Variants in RBFOX3 observed in about 807,000 individuals in gnomAD.
RBFOX3 encodes the protein RNA binding fox-1 homolog 3.
Under a neutral mutation model 48.7 loss-of-function variants are expected in RBFOX3, and 17 were observed. The ratio of observed to expected loss-of-function variants is 0.35; its 90% CI spans 0.24 to 0.52. The LOEUF (loss-of-function observed/expected upper bound fraction) is 0.52, where lower values mean the gene tolerates loss of function less well. RBFOX3 is among the 20% of genes least tolerant of loss of function. The pLI is 0.94. For synonymous variants in RBFOX3, 212 were observed against 209.5 expected (o/e 1.01, Z -0.10); for missense variants, 382 against 497.5 (o/e 0.77, Z 2.21).
rs2061451908 is a variant in RBFOX3 at position 79,392,183 on chromosome 17, G to A, written c.-174-84359C>T. Reference sequence around the variant, plus strand: ...CACAGAGCTAACAGTAAAGAAAACTGGGGCAGCCTCCTCACCCCCGTCTCT... The same window carrying A: ...CACAGAGCTAACAGTAAAGAAAACTAGGGCAGCCTCCTCACCCCCGTCTCT... On this transcript the variant is annotated intron_variant, in intron 2 of 14. Transcript: ENST00000693108. This position sits in a 1 kb window ranked among gnomAD's most constrained non-coding sequence, Gnocchi z 5.0. Among the ~76,000 whole-genome samples, 1 of 152,042 alleles carries A rather than the reference G, an allele frequency of 6.6e-6. No homozygotes were observed. Among genetic ancestry groups the A allele is most frequent in the South Asian group, 2.1e-4 (1 of 4,810 alleles).
At chr17:79,625,757 A>G in the RBFOX3 span, among the ~76,000 whole-genome samples, 1 of 152,288 alleles carries the variant, frequency 6.6e-6, no homozygotes, top group South Asian at 2.1e-4. Flanking sequence ...GAGCCATTGC[A>G]CTCCAGCCTG....
chr17:79,469,922 A>G (rs2076852257), intron 2 of RBFOX3, among the ~76,000 whole-genome samples: 1 of 152,196 alleles, frequency 6.6e-6, no homozygotes, highest in South Asian at 2.1e-4. Flanking sequence ...GAGAGCACGC[A>G]TGGAGATGGA....
intron 2 of RBFOX3, among the ~76,000 whole-genome samples, chr17:79,365,096 C>T (rs2057531409): frequency 6.6e-6 from 1 of 151,980 alleles, no homozygotes; most frequent in South Asian, 2.1e-4. Flanking sequence ...CCTCTCTACC[C>T]TCAACACTTT....
At chr17:79,319,234 G>C (rs983997571) in intron 2 of RBFOX3, among the ~76,000 whole-genome samples, 47 of 152,288 alleles carry the variant, frequency 3.1e-4, no homozygotes, top group African/African-American at 1.1e-3. Flanking sequence ...TGACATATTG[G>C]AGCCGGGAAG....
chr17:79,421,636 T>C lies in RBFOX3; in HGVS notation c.-175+60818A>G, dbSNP rs140805805. Among the ~76,000 whole-genome samples, 153 of 152,148 alleles carry C rather than the reference T, an allele frequency of 1.0e-3. 1 individual carries two copies. Among genetic ancestry groups the C allele is most frequent in the African/African-American group, 3.5e-3 (145 of 41,526 alleles). On this transcript the variant is annotated intron_variant, in intron 2 of 14. Transcript: ENST00000693108. The surrounding 1 kb of genome is among the most constrained non-coding windows in gnomAD (Gnocchi z 4.5). ...GGAACATGGACCCCTGACCAGGGCA[T>C]GCGGGACCCCAGGGGCACACCGAAC... is the stretch of plus-strand genomic sequence containing the variant.
chr17:79,198,941 G>A lies in RBFOX3; in HGVS notation c.-34+36825C>T, dbSNP rs2056263038. 6.6e-6 allele frequency among the ~76,000 whole-genome samples: 1 copy of A among 152,086 alleles called. No homozygotes were observed. Among genetic ancestry groups the A allele is most frequent in the Non-Finnish European group, 1.5e-5 (1 of 67,992 alleles). On this transcript the variant is annotated intron_variant, in intron 4 of 14. Transcript: ENST00000693108. This position sits in a 1 kb window ranked among gnomAD's most constrained non-coding sequence, Gnocchi z 8.2. ...ACTGCACCTGGCCGAGCTTTTTGATGCCTAATATTCTACTGCTTCCCACTG... is the reference window on the plus strand; with the variant it reads ...ACTGCACCTGGCCGAGCTTTTTGATACCTAATATTCTACTGCTTCCCACTG...
intron 3 of RBFOX3, among the ~76,000 whole-genome samples, chr17:79,290,298 T>A (rs1462249446): frequency 6.6e-6 from 1 of 152,068 alleles, no homozygotes. Context: ...GGCTCGTGGC[T>A]AGGAATGCAG....
In RBFOX3 at chr17:79,177,880, T is replaced by G. The variant is rs961473287; in HGVS notation, c.-34+57886A>C. ...TGCTCCCCATTGCCTGGACCATCCC[T>G]GGCCCCGGCCCTCTCCAGCCCCTGA... On this transcript the variant is annotated intron_variant, in intron 4 of 14. Transcript: ENST00000693108. Among the ~76,000 whole-genome samples, 12 of 152,180 alleles carry G rather than the reference T, an allele frequency of 7.9e-5. 1 individual carries two copies. The highest frequency in any genetic ancestry group is 5.9e-4 in the Admixed American group (9 of 15,286).
intron 2 of RBFOX3, among the ~76,000 whole-genome samples, chr17:79,435,700 G>A (rs2069295606): frequency 6.6e-6 from 1 of 152,208 alleles, no homozygotes; most frequent in Non-Finnish European, 1.5e-5. Flanking sequence ...CCCTTTGCTG[G>A]CCAGGTGCTG....
At chr17:79,630,286 G>A in the RBFOX3 span, among the ~76,000 whole-genome samples, 1 of 152,236 alleles carries the variant, frequency 6.6e-6, no homozygotes, top group African/African-American at 2.4e-5. Context: ...GGTCGGCCAA[G>A]CATGCAGCAC....
At chr17:79,357,726 TA>T (rs528242419) in intron 2 of RBFOX3, among the ~76,000 whole-genome samples, 21 of 115,498 alleles carry the variant, frequency 1.8e-4, no homozygotes, top group African/African-American at 6.3e-4. Flanking sequence ...GGGGGCGGTA[TA>T]GGGGGGTGGT....
intron 3 of RBFOX3, among the ~76,000 whole-genome samples, chr17:79,267,552 G>A (rs568519906): frequency 4.5e-4 from 69 of 152,212 alleles, no homozygotes; most frequent in African/African-American, 1.4e-3. Context: ...CACCATGCCC[G>A]GCTAATTTTT....
intron 3 of RBFOX3, among the ~76,000 whole-genome samples, chr17:79,287,688 A>G (rs2144720494): frequency 6.6e-6 from 1 of 152,240 alleles, no homozygotes; most frequent in East Asian, 1.9e-4. Context: ...GCCGGCACTG[A>G]TGAGGTTGGC....
chr17:79,383,031 A>AACACACAC (rs60851419), intron 2 of RBFOX3, among the ~76,000 whole-genome samples: 13,296 of 141,106 alleles, frequency 0.094, 812 homozygotes, highest in African/African-American at 0.15. Flanking sequence ...CTGCCTCTCA[A>AACACACAC]ACACACACAC....
chr17:79,574,482 C>T (rs914462676), intron 1 of RBFOX3, among the ~76,000 whole-genome samples: 1,602 of 152,298 alleles, frequency 0.011, 27 homozygotes, highest in African/African-American at 0.037. Context: ...GACACCCCCG[C>T]CAGCACCATG....
chr17:79,611,929 C>G (rs1416254896), upstream of RBFOX3, among the ~76,000 whole-genome samples: 1 of 152,166 alleles, frequency 6.6e-6, no homozygotes, highest in African/African-American at 2.4e-5. Context: ...GCTCCTGTCC[C>G]CAGTCCCAGC....
At chr17:79,275,361 A>C (rs1296544933) in intron 3 of RBFOX3, among the ~76,000 whole-genome samples, 1 of 151,958 alleles carries the variant, frequency 6.6e-6, no homozygotes, top group Non-Finnish European at 1.5e-5. Context: ...GCCCCTGACC[A>C]CCAGGCCTGA....
intron 1 of RBFOX3, among the ~76,000 whole-genome samples, chr17:79,592,818 T>C (rs1377848650): frequency 6.6e-6 from 1 of 152,138 alleles, no homozygotes; most frequent in African/African-American, 2.4e-5. Context: ...TCCTGGCGCA[T>C]CCCAAATGTT....
At chr17:79,454,560 G>A (rs1598763669) in intron 2 of RBFOX3, among the ~76,000 whole-genome samples, 1 of 152,134 alleles carries the variant, frequency 6.6e-6, no homozygotes, top group Non-Finnish European at 1.5e-5. Flanking sequence ...CACAGCAAAG[G>A]GGTCCACTCA....
Sources: gnomAD v4.1 joint callset for allele counts (sites outside exome capture counted in the v4.1 genomes callset) on GRCh38, gnomAD v4.1.1 for gene constraint, Gnocchi (gnomAD v3.1) non-coding constraint, MANE v1.5 for transcripts, NCBI Gene and HGNC (gene_info 2026-07-23, HGNC 2026-07-21) for gene names.